TP53I13: variants seen among roughly 807,000 people sequenced by gnomAD.
The protein encoded by TP53I13 is tumor protein p53 inducible protein 13.
Under a neutral mutation model 39.1 loss-of-function variants are expected in TP53I13, and 27 were observed. The ratio of observed to expected loss-of-function variants is 0.69; its 90% CI spans 0.51 to 0.95. The LOEUF is 0.95. TP53I13 is among the 40% of genes least tolerant of loss of function. The probability of loss-of-function intolerance (pLI) is 0.00; values close to 1 mark genes in which losing one functional copy is unlikely to be tolerated. For missense variants in TP53I13, 544 were observed against 520.4 expected (o/e 1.05, Z -0.44); for synonymous variants, 230 against 224.6 (o/e 1.02, Z -0.22).
chr17:29,575,771 G>GC, downstream of TP53I13: 1 of 1,607,702 alleles, frequency 6.2e-7, no homozygotes, highest in Non-Finnish European at 8.5e-7. The surrounding 1 kb of genome is among the most constrained non-coding windows in gnomAD (Gnocchi z 5.5). Context: ...AGCCCACACG[G>GC]CCCCCAGCCA....
At chr17:29,581,859 A>G in the TP53I13 span, 40 of 1,611,570 alleles carry the variant, frequency 2.5e-5, no homozygotes, top group Non-Finnish European at 3.4e-5. The surrounding 1 kb of genome is among the most constrained non-coding windows in gnomAD (Gnocchi z 4.8). Context: ...GGTATGGCTC[A>G]GACCTGCAGC....
At chr17:29,567,286 G>A, upstream of TP53I13, 1 of 157,110 alleles carries the variant, frequency 6.4e-6, no homozygotes, top group Non-Finnish European at 1.4e-5. The surrounding 1 kb of genome is among the most constrained non-coding windows in gnomAD (Gnocchi z 6.6). Flanking sequence ...GGGGAGAGCG[G>A]TGTTGGCCAT....
At chr17:29,566,345 G>T, upstream of TP53I13, 1 of 1,611,172 alleles carries the variant, frequency 6.2e-7, no homozygotes, top group Non-Finnish European at 8.5e-7. Flanking sequence ...TCCCCGAAAG[G>T]CTGCAGCCGG....
At chr17:29,581,252 C>G in the TP53I13 span, 1 of 1,003,702 alleles carries the variant, frequency 1.0e-6, no homozygotes, top group Non-Finnish European at 1.6e-6. The surrounding 1 kb of genome is among the most constrained non-coding windows in gnomAD (Gnocchi z 4.8). Context: ...TCCTAGGCCT[C>G]TGAAACCTGG....
At chr17:29,571,516 C>A in intron 3 of TP53I13, 75 bp from the exon 4 acceptor site, 2 of 1,591,780 alleles carry the variant, frequency 1.3e-6, no homozygotes, top group African/African-American at 1.3e-5. Flanking sequence ...TTAAACTGGT[C>A]CCCTGGATGG....
chr17:29,576,126 T>C (rs776712098), downstream of TP53I13: 1 of 1,613,646 alleles, frequency 6.2e-7, no homozygotes, highest in African/African-American at 1.3e-5. Flanking sequence ...CGTCGTCCTC[T>C]AGCTCCTGGG....
downstream of TP53I13, chr17:29,576,629 C>T (rs1396458647): frequency 6.2e-7 from 1 of 1,613,928 alleles, no homozygotes; most frequent in Non-Finnish European, 8.5e-7. Context: ...TCCAGGTACT[C>T]CTGCAGCGTC....
chr17:29,581,229 G>A, the TP53I13 span: 1 of 793,452 alleles, frequency 1.3e-6, no homozygotes, highest in South Asian at 1.4e-5. This position sits in a 1 kb window ranked among gnomAD's most constrained non-coding sequence, Gnocchi z 4.8. Context: ...GTCTCTGGGG[G>A]GAGGGAGCAG....
rs1293273936 is a variant in TP53I13, at chr17:29,573,103, C to T, written c.*179C>T. 4.4e-6 allele frequency: 2 copies of T among 453,334 alleles called. No individual in the cohort carries two copies. Among genetic ancestry groups the T allele is most frequent in the African/African-American group, 4.1e-5 (2 of 48,500 alleles). 28.1% of individuals were successfully genotyped at this position (453,334 alleles called of 1,614,324 possible). A position where few individuals can be genotyped will look rare whatever the true frequency, so the allele number is the denominator to read the frequency against. ...TGGGCGGCCAAGGGGAGAAAAGGAG[C>T]CGCTTCTGCCTCCCTTGCCAAAACT... On this transcript the variant is annotated 3_prime_UTR_variant, in exon 7 of 7. Transcript: ENST00000301057.
chr17:29,582,103 A>G, the TP53I13 span: 1 of 1,600,180 alleles, frequency 6.2e-7, no homozygotes, highest in East Asian at 2.2e-5. Context: ...GCAGGCGCAG[A>G]CATGTCTCCA....
At chr17:29,566,927 C>G, upstream of TP53I13, 1 of 1,477,098 alleles carries the variant, frequency 6.8e-7, no homozygotes, top group Non-Finnish European at 8.9e-7. Flanking sequence ...AGGGCGAGCA[C>G]GGCCAAGATG....
At chr17:29,577,359 A>G, downstream of TP53I13, 1 of 852,538 alleles carries the variant, frequency 1.2e-6, no homozygotes, top group Non-Finnish European at 1.9e-6. Flanking sequence ...ACCCCAGCTA[A>G]AGCGTCCCAG....
chr17:29,568,767 T>C lies in TP53I13; in HGVS notation c.9T>C (p.Pro3=). MA[P]PPPSPQLLLL... ...GCCCGGGGCCGCTTGGAATGGCGCC[T>C]CCTCCGCCTTCGCCCCAACTGCTTC... The change falls in exon 1 of 7, where the codon CCT becomes CCC. Residue 3 remains proline, a synonymous_variant. Coordinates refer to ENST00000301057, the MANE Select transcript of TP53I13 (RefSeq NM_138349.4). This position sits in a 1 kb window ranked among gnomAD's most constrained non-coding sequence, Gnocchi z 4.5. The C allele has an allele frequency of 6.3e-7, 1 of 1,588,060 alleles. No individual in the cohort carries two copies. Among genetic ancestry groups the C allele is most frequent in the Non-Finnish European group, 8.5e-7 (1 of 1,175,230 alleles).
chr17:29,572,874 C>T lies in TP53I13; in HGVS notation c.1132C>T (p.Leu378Phe), dbSNP rs2033016433. 6.6e-7 allele frequency: 1 copy of T among 1,519,550 alleles called. No homozygotes were observed. The highest frequency in any genetic ancestry group is 2.3e-4 in the Middle Eastern group (1 of 4,342). 94.1% of individuals were successfully genotyped at this position (1,519,550 alleles called of 1,614,324 possible). The change falls in exon 7 of 7, where the codon CTC becomes TTC. Residue 378 changes from leucine (L) to phenylalanine (F), a missense_variant. By Grantham distance (22) the Leu-to-Phe change is conservative. Coordinates refer to ENST00000301057, the MANE Select transcript of TP53I13 (RefSeq NM_138349.4). ...RRVKRSRRRP[L>F]LPPTPDSGPE... is the part of the protein sequence containing the mutation. ...GGTCAAGCGCTCGCGCCGGAGACCC[C>T]TCCTCCCGCCCACGCCGGACAGCGG...
chr17:29,577,072 G>A (rs896983011), downstream of TP53I13: 3 of 1,604,774 alleles, frequency 1.9e-6, no homozygotes, highest in Non-Finnish European at 2.6e-6. Context: ...GGCAGGGAGA[G>A]CCATGCAGGA....
intron 2 of TP53I13, 101 bp downstream of exon 2, chr17:29,569,187 T>G: frequency 6.8e-7 from 1 of 1,471,146 alleles, no homozygotes; most frequent in Non-Finnish European, 9.3e-7. Flanking sequence ...TGAGGACCTC[T>G]GCCGGTTCCT....
downstream of TP53I13, chr17:29,575,801 G>A (rs1403539645): frequency 1.2e-6 from 2 of 1,613,034 alleles, no homozygotes; most frequent in Non-Finnish European, 1.7e-6. The surrounding 1 kb of genome is among the most constrained non-coding windows in gnomAD (Gnocchi z 5.5). Context: ...CACTGGGCAT[G>A]GAAACATTAC....
At chr17:29,575,835 A>T (rs1377878194), downstream of TP53I13, 1 of 1,612,300 alleles carries the variant, frequency 6.2e-7, no homozygotes, top group Non-Finnish European at 8.5e-7. The surrounding 1 kb of genome is among the most constrained non-coding windows in gnomAD (Gnocchi z 5.5). Flanking sequence ...CCCTCCTGGG[A>T]GCAGGACAGC....
At position 29,572,675 on chromosome 17, in the gene TP53I13, G is replaced by T. The variant is rs749957059; in HGVS notation, c.1047G>T (p.Ala349=). Residue 349 remains alanine (A), a synonymous_variant, in exon 6 of 7, where the codon GCG becomes GCT. Coordinates refer to ENST00000301057, the MANE Select transcript of TP53I13 (RefSeq NM_138349.4). The stretch of plus-strand genomic sequence containing the variant: ...AGAGCATCTACTGGGGGCCCACAGC[G>T]GACAGCCAGGACACAGTGGCTGGTG... ...RGESIYWGPT[A]DSQDTVAAVL... The T allele has an allele frequency of 6.4e-7, 1 of 1,567,040 alleles. No individual in the cohort carries two copies. Among genetic ancestry groups the T allele is most frequent in the East Asian group, 2.4e-5 (1 of 42,388 alleles).
Sources: gnomAD v4.1 joint callset for allele counts on GRCh38, gnomAD v4.1.1 for gene constraint, Gnocchi (gnomAD v3.1) non-coding constraint, MANE v1.5 for transcripts, NCBI Gene and HGNC (gene_info 2026-07-23, HGNC 2026-07-21) for gene names.